The following HPSE2 variants were observed in gnomAD, a reference collection of about 807,000 sequenced individuals.
The protein encoded by HPSE2 is inactive heparanase-2.
In HPSE2, 38 loss-of-function variants were observed where a neutral mutation model predicts 60.5. That is an observed-to-expected ratio of 0.63 (90% CI 0.48 to 0.82). The LOEUF is 0.82. Ranked by LOEUF, HPSE2 falls within the 40% of genes least tolerant of loss-of-function variation. The pLI is 0.00. For synonymous variants in HPSE2, 295 were observed against 293.2 expected (o/e 1.01, Z -0.06); for missense variants, 713 against 740.4 (o/e 0.96, Z 0.43).
At chr10:99,026,476 G>A (rs1957380314) in intron 3 of HPSE2, among the ~76,000 whole-genome samples, 1 of 151,858 alleles carries the variant, frequency 6.6e-6, no homozygotes, top group Admixed American at 6.6e-5. Flanking sequence ...AGTACAAAAA[G>A]GTTAATATTA....
intron 4 of HPSE2, among the ~76,000 whole-genome samples, chr10:98,733,975 G>GA (rs946329291): frequency 6.6e-6 from 1 of 152,094 alleles, no homozygotes; most frequent in Non-Finnish European, 1.5e-5. Context: ...AATAATCCCA[G>GA]AAAAAACTCT....
At chr10:98,603,866 G>A (rs890002678) in intron 9 of HPSE2, among the ~76,000 whole-genome samples, 3 of 152,084 alleles carry the variant, frequency 2.0e-5, no homozygotes, top group African/African-American at 7.2e-5. Flanking sequence ...CTTCCATGCA[G>A]GAGAAGGGAA....
chr10:98,558,430 G>A (rs1365013194), intron 9 of HPSE2, among the ~76,000 whole-genome samples: 1 of 152,204 alleles, frequency 6.6e-6, no homozygotes. Flanking sequence ...ATCCCACAAT[G>A]AGAATGAGCA....
chr10:98,633,841 T>C (rs1489131083), intron 7 of HPSE2, among the ~76,000 whole-genome samples: 1 of 152,194 alleles, frequency 6.6e-6, no homozygotes, highest in Non-Finnish European at 1.5e-5. Context: ...AAGGATCTTC[T>C]ATTTACCTTT....
At chr10:99,249,183 C>T in the HPSE2 span, among the ~76,000 whole-genome samples, 22 of 152,164 alleles carry the variant, frequency 1.4e-4, no homozygotes, top group Admixed American at 4.6e-4. Flanking sequence ...ATGGTAGATG[C>T]GCCAACAGCT....
chr10:99,285,291 G>A, the HPSE2 span, among the ~76,000 whole-genome samples: 1 of 151,194 alleles, frequency 6.6e-6, no homozygotes, highest in African/African-American at 2.4e-5. Context: ...AAATTAGCTG[G>A]GCAGAGTGGT....
chr10:98,852,113 ATG>A (rs1555017138), intron 3 of HPSE2, among the ~76,000 whole-genome samples: 3,801 of 91,830 alleles, frequency 0.041, 96 homozygotes, highest in Admixed American at 0.065. Flanking sequence ...GTATATTATG[ATG>A]TGTGTGTGTG....
chr10:99,006,277 G>A (rs1368850825), intron 3 of HPSE2, among the ~76,000 whole-genome samples: 1 of 152,034 alleles, frequency 6.6e-6, no homozygotes, highest in African/African-American at 2.4e-5. Flanking sequence ...TGATCCATGG[G>A]GACCAGTCTA....
chr10:98,838,240 G>C (rs945493836), intron 3 of HPSE2, among the ~76,000 whole-genome samples: 22 of 152,028 alleles, frequency 1.4e-4, no homozygotes, highest in Non-Finnish European at 7.4e-5. Context: ...TATAACCATA[G>C]ACAAATTAAT....
chr10:99,044,745 C>A (rs2099555960), intron 3 of HPSE2, among the ~76,000 whole-genome samples: 2 of 151,944 alleles, frequency 1.3e-5, no homozygotes, highest in South Asian at 4.1e-4. Context: ...AGTTTTAAAC[C>A]AGTATAAAAT....
intron 3 of HPSE2, among the ~76,000 whole-genome samples, chr10:98,744,568 A>G (rs1032516788): frequency 1.3e-5 from 2 of 152,070 alleles, no homozygotes; most frequent in African/African-American, 4.8e-5. Flanking sequence ...AACAAAAAAA[A>G]ACAAGCAGCA....
chr10:98,636,954 C>T (rs1946516082), intron 7 of HPSE2, among the ~76,000 whole-genome samples: 1 of 152,166 alleles, frequency 6.6e-6, no homozygotes, highest in Admixed American at 6.5e-5. Flanking sequence ...CCAGACTATA[C>T]CATCTGCACT....
intron 3 of HPSE2, among the ~76,000 whole-genome samples, chr10:98,911,864 C>A (rs1017346271): frequency 1.3e-5 from 2 of 152,074 alleles, no homozygotes; most frequent in Non-Finnish European, 2.9e-5. Context: ...GTTTTAGAAT[C>A]GATGGATATG....
At chr10:99,244,931 C>G in the HPSE2 span, among the ~76,000 whole-genome samples, 2 of 151,896 alleles carry the variant, frequency 1.3e-5, no homozygotes, top group East Asian at 3.9e-4. Flanking sequence ...CCAAGAACTT[C>G]CTTAATTCAA....
intron 3 of HPSE2, among the ~76,000 whole-genome samples, chr10:98,862,922 G>C (rs989496157): frequency 6.6e-6 from 1 of 152,148 alleles, no homozygotes; most frequent in African/African-American, 2.4e-5. Context: ...CACTGTGCCA[G>C]GCTACTTTTT....
At position 99,217,656 on chromosome 10, in the gene HPSE2, T is replaced by C. The variant is rs559485731; in HGVS notation, c.448+14692A>G. Among the ~76,000 whole-genome samples the C allele has an allele frequency of 2.0e-5, 3 of 152,208 alleles. No individual in the cohort carries two copies. In the East Asian group the frequency reaches 5.8e-4, roughly 29 times the overall value. On this transcript the variant is annotated intron_variant, in intron 2 of 11. Coordinates refer to ENST00000370552, the MANE Select transcript of HPSE2 (RefSeq NM_021828.5). ...TCATCCAGGCTGGAGTGCAGTGGGA[T>C]GATTATGTCTCACTGCCTCACACTT... is the stretch of plus-strand genomic sequence containing the variant.
At chr10:99,116,771 C>CAACA (rs1279733894) in intron 3 of HPSE2, among the ~76,000 whole-genome samples, 1 of 152,098 alleles carries the variant, frequency 6.6e-6, no homozygotes, top group Non-Finnish European at 1.5e-5. Flanking sequence ...CTACCAGAGG[C>CAACA]AACAGTTGAT....
At chr10:98,743,315 G>C (rs7910273) in intron 4 of HPSE2, among the ~76,000 whole-genome samples, 6,021 of 152,118 alleles carry the variant, frequency 0.04, 188 homozygotes, top group East Asian at 0.12. Context: ...GACTGCACAG[G>C]CTGCACACCC....
intron 10 of HPSE2, among the ~76,000 whole-genome samples, chr10:98,489,276 T>C (rs554428088): frequency 6.6e-6 from 1 of 152,350 alleles, no homozygotes; most frequent in East Asian, 1.9e-4. Context: ...CCCCTGATTA[T>C]AGTTTTCCCT....
Sources: gnomAD v4.1 joint callset for allele counts (sites outside exome capture counted in the v4.1 genomes callset) on GRCh38, gnomAD v4.1.1 for gene constraint, MANE v1.5 for transcripts, NCBI Gene and HGNC (gene_info 2026-07-23, HGNC 2026-07-21) for gene names.